SAMSN1: variants seen among roughly 807,000 people sequenced by gnomAD.
SAMSN1 encodes SAM domain-containing protein SAMSN-1.
A neutral mutation model predicts 42.0 loss-of-function variants in SAMSN1; 31 were observed. The observed-to-expected ratio is 0.74, with a 90% CI of 0.55 to 1.00. The LOEUF (loss-of-function observed/expected upper bound fraction) is 1.00. SAMSN1 is among the 50% of genes least tolerant of loss of function. The pLI is 0.00. For synonymous variants in SAMSN1, 178 were observed against 151.9 expected, an observed-to-expected ratio of 1.17 and a Z score of -1.26; for missense variants, 464 against 439.4, an observed-to-expected ratio of 1.06 and a Z score of -0.50.
At chr21:14,524,034 A>G (rs1568786266) in intron 1 of SAMSN1, among the ~76,000 whole-genome samples, 3 of 152,290 alleles carry the variant, frequency 2.0e-5, no homozygotes, top group Non-Finnish European at 2.9e-5. Flanking sequence ...ATTTAAAAGA[A>G]CATTTATATT....
At chr21:14,495,926 T>C (rs1216037792) in intron 7 of SAMSN1, 1 of 152,180 alleles carries the variant, frequency 6.6e-6, no homozygotes, top group Non-Finnish European at 1.5e-5. Flanking sequence ...ATCGGCTCTA[T>C]AAATAATTTT....
In SAMSN1 at chr21:14,485,977, C is replaced by A. The variant is rs1403590253; in HGVS notation, c.1057G>T (p.Asp353Tyr). 1.9e-6 allele frequency: 3 copies of A among 1,613,710 alleles called. No homozygotes were observed. The highest frequency in any genetic ancestry group is 1.1e-5 in the South Asian group (1 of 91,070). Reference protein sequence around the residue: ...SSGNSDNGKEDLESENLSDMV... With the variant: ...SSGNSDNGKEYLESENLSDMV... ...TCAGACAGATTTTCAGACTCCAGATCCTCTTTGCCATTATCTGAATTTCCT... is the reference window on the plus strand; with the variant it reads ...TCAGACAGATTTTCAGACTCCAGATACTCTTTGCCATTATCTGAATTTCCT... The change falls in exon 8 of 8, where the codon GAT becomes TAT. Residue 353 changes from aspartate to tyrosine, a missense_variant. Transcript: ENST00000400566.
chr21:14,573,925 A>G lies in SAMSN1; in HGVS notation c.261+8211T>C, dbSNP rs1015672115. ...ACACACCATGCTACACATGCAAAAT[A>G]TGTCTTTTCTATAGTTTGCTTAGCA... On this transcript the variant is annotated intron_variant, in intron 2 of 8. Transcript: ENST00000285670. Among the ~76,000 whole-genome samples the G allele has an allele frequency of 2.0e-5, 3 of 152,140 alleles. No individual in the cohort carries two copies. The East Asian group carries it at 5.8e-4, about 29-fold the overall frequency.
chr21:14,583,558 T>C, upstream of SAMSN1: 12 of 648,946 alleles, frequency 1.8e-5, no homozygotes, highest in Non-Finnish European at 2.0e-5. Context: ...TTAATGATTA[T>C]CTTAAGACTT....
intron 2 of SAMSN1, among the ~76,000 whole-genome samples, chr21:14,620,412 A>G (rs962734238): frequency 3.3e-5 from 5 of 152,038 alleles, no homozygotes; most frequent in African/African-American, 1.2e-4. Flanking sequence ...CATTCTGCCT[A>G]CTTCCCCTTC....
chr21:14,557,500 C>T (rs1980801161), intron 2 of SAMSN1, among the ~76,000 whole-genome samples: 1 of 152,118 alleles, frequency 6.6e-6, no homozygotes, highest in Non-Finnish European at 1.5e-5. Flanking sequence ...CATGTTCAAC[C>T]CCTGTTTTCA....
chr21:14,589,564 C>T (rs562038862), intron 7 of SAMSN1, among the ~76,000 whole-genome samples: 32 of 151,854 alleles, frequency 2.1e-4, no homozygotes, highest in East Asian at 3.9e-4. Flanking sequence ...TGTGTGTGTA[C>T]GTATGTATAT....
chr21:14,488,941 G>T (rs1402034324), intron 7 of SAMSN1, among the ~76,000 whole-genome samples: 5 of 152,150 alleles, frequency 3.3e-5, no homozygotes, highest in African/African-American at 9.7e-5. Flanking sequence ...GGAGATGAAA[G>T]CTATATCGCA....
At chr21:14,513,327 A>T (rs1556278) in intron 3 of SAMSN1, among the ~76,000 whole-genome samples, 49,108 of 152,056 alleles carry the variant, frequency 0.32, 8,157 homozygotes, top group Non-Finnish European at 0.35. Flanking sequence ...TACACAAATG[A>T]TATACACTCA....
At chr21:14,647,086 G>A (rs1363849765) in intron 1 of SAMSN1, among the ~76,000 whole-genome samples, 2 of 152,184 alleles carry the variant, frequency 1.3e-5, no homozygotes, top group East Asian at 1.9e-4. Context: ...AACATTGAAT[G>A]TAAATGAACT....
chr21:14,609,615 G>T (rs1017498965), intron 4 of SAMSN1: 1 of 716,788 alleles, frequency 1.4e-6, no homozygotes, highest in South Asian at 1.5e-5. Context: ...AGTAACATTT[G>T]TCCAGTAAGT....
At chr21:14,649,863 G>A (rs1157836259) in intron 1 of SAMSN1, among the ~76,000 whole-genome samples, 1 of 150,470 alleles carries the variant, frequency 6.6e-6, no homozygotes, top group African/African-American at 2.5e-5. Flanking sequence ...CTATGCCAAT[G>A]AAAACCAAAA....
intron 2 of SAMSN1, among the ~76,000 whole-genome samples, chr21:14,563,735 C>T (rs908065124): frequency 6.6e-6 from 1 of 152,074 alleles, no homozygotes; most frequent in African/African-American, 2.4e-5. Flanking sequence ...AGATTAGTGG[C>T]CTTAAACAGA....
intron 2 of SAMSN1, among the ~76,000 whole-genome samples, chr21:14,566,665 GT>G (rs1185312181): frequency 3.3e-5 from 5 of 152,024 alleles, no homozygotes; most frequent in Non-Finnish European, 5.9e-5. Context: ...AGCCTCTCAA[GT>G]AGCTGGGGTT....
At position 14,567,978 on chromosome 21, in the gene SAMSN1, G is replaced by A. The variant is rs527575177; in HGVS notation, c.261+14158C>T. 5.3e-5 allele frequency among the ~76,000 whole-genome samples: 8 copies of A among 152,246 alleles called. No individual in the cohort carries two copies. In the South Asian group the frequency reaches 1.5e-3, roughly 28 times the overall value. ...CTGAAAAATCAGAGAATAAAAAATGGTGTTCGTCTATTCAGAAGTTGTTCT... is the reference window on the plus strand; with the variant it reads ...CTGAAAAATCAGAGAATAAAAAATGATGTTCGTCTATTCAGAAGTTGTTCT... On this transcript the variant is annotated intron_variant, in intron 2 of 8. Transcript: ENST00000285670.
intron 1 of SAMSN1, among the ~76,000 whole-genome samples, chr21:14,654,310 G>T (rs1983880551): frequency 6.6e-6 from 1 of 151,964 alleles, no homozygotes; most frequent in African/African-American, 2.4e-5. Flanking sequence ...AGTAACCCCT[G>T]TTCCAAACAC....
intron 2 of SAMSN1, among the ~76,000 whole-genome samples, chr21:14,573,570 C>T (rs747302876): frequency 4.6e-5 from 7 of 152,042 alleles, no homozygotes; most frequent in Non-Finnish European, 8.8e-5. Context: ...CCTAAACCAG[C>T]TGAGGTAAAG....
intron 1 of SAMSN1, among the ~76,000 whole-genome samples, chr21:14,533,906 G>A (rs923614528): frequency 6.6e-6 from 1 of 152,180 alleles, no homozygotes; most frequent in Non-Finnish European, 1.5e-5. Flanking sequence ...TCTCACCTAA[G>A]AGAAGTCTGT....
At chr21:14,632,155 C>T (rs1033839403) in intron 2 of SAMSN1, among the ~76,000 whole-genome samples, 16 of 151,646 alleles carry the variant, frequency 1.1e-4, no homozygotes, top group Admixed American at 9.2e-4. Flanking sequence ...CTGGATCCAG[C>T]CATTGTGGTA....
Sources: gnomAD v4.1 joint callset for allele counts (sites outside exome capture counted in the v4.1 genomes callset) on GRCh38, gnomAD v4.1.1 for gene constraint, MANE v1.5 for transcripts, NCBI Gene and HGNC (gene_info 2026-07-23, HGNC 2026-07-21) for gene names.